MYO1E: variants seen among roughly 807,000 people sequenced by gnomAD.
MYO1E encodes unconventional myosin-Ie.
MYO1E carries 68 observed loss-of-function variants against 151.1 expected under a neutral mutation model. That is an observed-to-expected ratio of 0.45 (90% CI 0.37 to 0.55). The LOEUF (loss-of-function observed/expected upper bound fraction) is 0.55. Among genes scored for constraint, MYO1E ranks in the 20% least tolerant of loss-of-function variants. The pLI, the probability that MYO1E is intolerant of heterozygous loss-of-function variation, is 0.00. For missense variants in MYO1E, 1,363 were observed against 1,389.3 expected, an observed-to-expected ratio of 0.98 and a Z score of 0.30; for synonymous variants, 601 against 501.7, an observed-to-expected ratio of 1.20 and a Z score of -2.64.
intron 4 of MYO1E, 95 bp downstream of exon 4, chr15:59,256,189 G>A (rs1022583201): frequency 2.2e-6 from 2 of 892,294 alleles, no homozygotes; most frequent in Non-Finnish European, 3.7e-6. Context: ...TGTGACATCA[G>A]TAGCTGTTGC....
intron 16 of MYO1E, among the ~76,000 whole-genome samples, chr15:59,201,943 A>G (rs1337395876): frequency 6.6e-6 from 1 of 152,218 alleles, no homozygotes; most frequent in African/African-American, 2.4e-5. Flanking sequence ...GTAACGTTCC[A>G]TAACTGGCAG....
chr15:59,151,818 C>T (rs776544854), intron 26 of MYO1E, among the ~76,000 whole-genome samples: 2 of 151,930 alleles, frequency 1.3e-5, no homozygotes, highest in African/African-American at 4.8e-5. Flanking sequence ...GAGGCCAAGG[C>T]GGGTGGATCA....
chr15:59,371,767 GT>G, intron 1 of MYO1E, among the ~76,000 whole-genome samples: 1 of 151,960 alleles, frequency 6.6e-6, no homozygotes, highest in African/African-American at 2.4e-5. Context: ...TTCAGGAGGT[GT>G]TTACTTGGCG....
At chr15:59,248,203 G>A (rs1020539810) in intron 4 of MYO1E, among the ~76,000 whole-genome samples, 1 of 150,358 alleles carries the variant, frequency 6.7e-6, no homozygotes, top group African/African-American at 2.4e-5. Flanking sequence ...GCATCTATAG[G>A]CCGGGTGCGG....
intron 22 of MYO1E, among the ~76,000 whole-genome samples, chr15:59,171,693 T>C (rs2079595648): frequency 2.6e-5 from 4 of 152,142 alleles, no homozygotes. Flanking sequence ...GAGGCAACCT[T>C]TTCTTGGTAC....
intron 2 of MYO1E, among the ~76,000 whole-genome samples, chr15:59,265,420 G>A (rs2080247428): frequency 6.6e-6 from 1 of 152,070 alleles, no homozygotes; most frequent in Non-Finnish European, 1.5e-5. Context: ...GCTATATAAA[G>A]AGATATCTCA....
At chr15:59,204,691 G>A (rs1168000425) in intron 15 of MYO1E, among the ~76,000 whole-genome samples, 1 of 152,188 alleles carries the variant, frequency 6.6e-6, no homozygotes, top group Non-Finnish European at 1.5e-5. Flanking sequence ...GGTCTTGGGA[G>A]TTAAAATGGA....
chr15:59,211,301 A>T lies in MYO1E; in HGVS notation c.1276-701T>A, dbSNP rs75078300. On this transcript the variant is annotated intron_variant, in intron 12 of 27. Transcript: ENST00000288235. ...TCTATGAGTTGCTCATTTAACTTGA[A>T]CACCACAACACCATCCTGGTTTTTT... Among the ~76,000 whole-genome samples, 1,268 of 151,994 alleles carry T rather than the reference A, an allele frequency of 8.3e-3. 20 individuals carry two copies. Among genetic ancestry groups the T allele is most frequent in the African/African-American group, 0.029 (1,220 of 41,450 alleles).
intron 22 of MYO1E, among the ~76,000 whole-genome samples, chr15:59,168,677 G>C (rs943454401): frequency 2.0e-5 from 3 of 152,060 alleles, no homozygotes; most frequent in Non-Finnish European, 4.4e-5. Flanking sequence ...CTGGAGTGCA[G>C]TGGTATGATC....
intron 6 of MYO1E, among the ~76,000 whole-genome samples, chr15:59,228,406 G>A (rs542866292): frequency 6.6e-6 from 1 of 152,180 alleles, no homozygotes; most frequent in African/African-American, 2.4e-5. Context: ...GGAGGTGGAG[G>A]ATGCAGTGAG....
chr15:59,185,751 G>A (rs1416061421), intron 18 of MYO1E, among the ~76,000 whole-genome samples: 1 of 152,170 alleles, frequency 6.6e-6, no homozygotes, highest in African/African-American at 2.4e-5. Context: ...GATTATCTAA[G>A]CCAAAGTTCC....
chr15:59,298,231 G>C lies in MYO1E; in HGVS notation c.4-25782C>G, dbSNP rs542863756. On this transcript the variant is annotated intron_variant, in intron 1 of 27. Coordinates refer to ENST00000288235, the MANE Select transcript of MYO1E (RefSeq NM_004998.4). ...GAAAAAATTTACATTTACAAATCTA[G>C]TTATTTGGTACCCTGGGGGAATGTA... Among the ~76,000 whole-genome samples, 8 of 152,268 alleles carry C rather than the reference G, an allele frequency of 5.3e-5. No individual in the cohort carries two copies. In the South Asian group the frequency reaches 6.2e-4, roughly 12 times the overall value.
chr15:59,302,280 G>GA (rs1275902945), intron 1 of MYO1E, among the ~76,000 whole-genome samples: 5 of 152,064 alleles, frequency 3.3e-5, no homozygotes, highest in Non-Finnish European at 4.4e-5. Flanking sequence ...AATGTCTTGA[G>GA]AAAAAAGGCA....
intron 14 of MYO1E, 125 bp from the exon 15 acceptor site, chr15:59,205,610 A>C: frequency 1.2e-6 from 1 of 827,976 alleles, no homozygotes; most frequent in Non-Finnish European, 2.0e-6. Flanking sequence ...GGCTACCCTC[A>C]CCACAACATG....
At chr15:59,164,576 C>A (rs1337736292) in intron 22 of MYO1E, among the ~76,000 whole-genome samples, 1 of 152,168 alleles carries the variant, frequency 6.6e-6, no homozygotes, top group Non-Finnish European at 1.5e-5. Context: ...CACAAGAGGA[C>A]TGAGCTGTGG....
chr15:59,268,052 C>G (rs761047997), intron 2 of MYO1E, among the ~76,000 whole-genome samples: 3 of 152,070 alleles, frequency 2.0e-5, no homozygotes, highest in Non-Finnish European at 4.4e-5. Flanking sequence ...ATAAAGTGAG[C>G]AATTTTATAA....
At chr15:59,267,710 G>A (rs1168755889) in intron 2 of MYO1E, among the ~76,000 whole-genome samples, 5 of 152,206 alleles carry the variant, frequency 3.3e-5, no homozygotes, top group African/African-American at 9.6e-5. Context: ...AGTGCTTTGC[G>A]CAGGAACTCT....
At chr15:59,335,901 A>T (rs1214490974) in intron 1 of MYO1E, among the ~76,000 whole-genome samples, 1 of 152,078 alleles carries the variant, frequency 6.6e-6, no homozygotes, top group African/African-American at 2.4e-5. Flanking sequence ...CTGTCTGCAC[A>T]CACTTGTTCT....
At chr15:59,243,590 C>A (rs573955060) in intron 4 of MYO1E, among the ~76,000 whole-genome samples, 1 of 152,178 alleles carries the variant, frequency 6.6e-6, no homozygotes, top group East Asian at 1.9e-4. Flanking sequence ...GGACGGTAAA[C>A]CTTTAAGACC....
Sources: gnomAD v4.1 joint callset for allele counts (sites outside exome capture counted in the v4.1 genomes callset) on GRCh38, gnomAD v4.1.1 for gene constraint, MANE v1.5 for transcripts, NCBI Gene and HGNC (gene_info 2026-07-23, HGNC 2026-07-21) for gene names.